Variants in TENM3 observed in about 807,000 individuals in gnomAD.
The protein encoded by TENM3 is teneurin-3.
Under a neutral mutation model 255.1 loss-of-function variants are expected in TENM3, and 63 were observed. The ratio of observed to expected loss-of-function variants is 0.25; its 90% CI spans 0.20 to 0.30. The LOEUF is 0.30. Ranked by LOEUF, TENM3 falls within the 10% of genes least tolerant of loss-of-function variation. TENM3 has a pLI of 1.00. For missense variants in TENM3, 2,929 were observed against 3,461.1 expected (o/e 0.85, Z 3.86); for synonymous variants, 1,306 against 1,322.3 (o/e 0.99, Z 0.27).
the TENM3 span, among the ~76,000 whole-genome samples, chr4:181,717,702 A>G: frequency 6.6e-6 from 1 of 152,200 alleles, no homozygotes; most frequent in African/African-American, 2.4e-5. Context: ...ATTGTGATAA[A>G]TCTCTTGTGA....
At chr4:182,643,826 A>T (rs1251553767) in intron 5 of TENM3, among the ~76,000 whole-genome samples, 1 of 152,224 alleles carries the variant, frequency 6.6e-6, no homozygotes, top group East Asian at 1.9e-4. Context: ...AAGAAAGGGA[A>T]ACTCTACATC....
At chr4:182,061,404 G>A in the TENM3 span, among the ~76,000 whole-genome samples, 1 of 152,002 alleles carries the variant, frequency 6.6e-6, no homozygotes, top group African/African-American at 2.4e-5. Context: ...TACTGAAAAG[G>A]CATCTAAGTT....
the TENM3 span, among the ~76,000 whole-genome samples, chr4:181,476,213 T>G: frequency 1.7e-4 from 14 of 83,968 alleles, no homozygotes; most frequent in East Asian, 3.9e-4. Flanking sequence ...GGGGTTTTTT[T>G]TTTTTTTTTT....
chr4:181,581,313 C>T, the TENM3 span, among the ~76,000 whole-genome samples: 4 of 151,980 alleles, frequency 2.6e-5, no homozygotes, highest in Non-Finnish European at 5.9e-5. Context: ...TGGTGGTGCA[C>T]GCCTGTAATC....
Position 182,578,605 on chromosome 4 carries a change from G to A in TENM3, c.512-22319G>A, listed in dbSNP as rs187394411. Among the ~76,000 whole-genome samples, 6 of 148,434 alleles carry A rather than the reference G, an allele frequency of 4.0e-5. 1 individual carries two copies. The East Asian group carries it at 1.2e-3, about 29-fold the overall frequency. ...TTCACAGCCTGATTGCTGTCACATG[G>A]CCCTTAAGAAAATAGTCATCACTTC... On this transcript the variant is annotated intron_variant, in intron 3 of 27. Transcript: ENST00000511685.
the TENM3 span, among the ~76,000 whole-genome samples, chr4:182,008,425 C>T: frequency 1.3e-5 from 2 of 151,924 alleles, no homozygotes; most frequent in African/African-American, 4.8e-5. Context: ...GGAGGCTTTG[C>T]TCATTCCTTG....
the TENM3 span, among the ~76,000 whole-genome samples, chr4:181,489,956 T>C: frequency 6.6e-6 from 1 of 152,334 alleles, no homozygotes; most frequent in Non-Finnish European, 1.5e-5. Flanking sequence ...GTGTATATTG[T>C]AGTATGCTTG....
the TENM3 span, among the ~76,000 whole-genome samples, chr4:181,683,932 C>T: frequency 6.6e-6 from 1 of 152,138 alleles, no homozygotes; most frequent in African/African-American, 2.4e-5. Context: ...GGAAGTCTTC[C>T]TTATGAAGTC....
At chr4:181,822,698 C>T in the TENM3 span, among the ~76,000 whole-genome samples, 516 of 152,286 alleles carry the variant, frequency 3.4e-3, 5 homozygotes, top group African/African-American at 0.012. Context: ...ATGTATGACA[C>T]TTGCAGAATG....
chr4:181,794,628 T>A, the TENM3 span, among the ~76,000 whole-genome samples: 1 of 151,194 alleles, frequency 6.6e-6, no homozygotes, highest in Non-Finnish European at 1.5e-5. Flanking sequence ...CCTTCTTTTT[T>A]AAGGCATTTC....
In TENM3 at chr4:182,754,675, A is replaced by G. The variant is rs746351885; in HGVS notation, c.4308A>G (p.Gly1436=). The change falls in exon 22 of 28, where the codon GGA becomes GGG. Residue 1436 remains glycine, a synonymous_variant. Coordinates refer to ENST00000511685, the MANE Select transcript of TENM3 (RefSeq NM_001080477.4). This position sits in a 1 kb window ranked among gnomAD's most constrained non-coding sequence, Gnocchi z 5.1. Reference sequence around the variant, plus strand: ...GGATAAGGCAGGTCACAACAGATGGAGAAATCTCCTTAGTGGCCGGAATAC... The same window carrying G: ...GGATAAGGCAGGTCACAACAGATGGGGAAATCTCCTTAGTGGCCGGAATAC... The part of the protein sequence containing the change: ...INRIRQVTTD[G]EISLVAGIPS... 6 of 1,614,050 alleles carry G rather than the reference A, an allele frequency of 3.7e-6. No homozygotes were observed. In the East Asian group the frequency reaches 6.7e-5, roughly 18 times the overall value.
chr4:182,283,054 G>A (rs1357855005), intron 1 of TENM3, among the ~76,000 whole-genome samples: 2 of 152,038 alleles, frequency 1.3e-5, no homozygotes, highest in African/African-American at 4.8e-5. Context: ...AATACTGCCT[G>A]GTATTTGGAA....
the TENM3 span, among the ~76,000 whole-genome samples, chr4:181,599,552 C>T: frequency 6.6e-6 from 1 of 152,298 alleles, no homozygotes; most frequent in East Asian, 1.9e-4. Context: ...ATTCCTGTTA[C>T]CTACACAACT....
Position 182,800,143 on chromosome 4 carries a change from G to A in TENM3, c.7892G>A (p.Arg2631Gln), listed in dbSNP as rs781718271. The A allele has an allele frequency of 1.5e-4, 216 of 1,447,304 alleles. No homozygotes were observed. Among genetic ancestry groups the A allele is most frequent in the Non-Finnish European group, 1.9e-4 (209 of 1,109,854 alleles). 89.7% of individuals were successfully genotyped at this position (1,447,304 alleles called of 1,614,324 possible). ...LEQARQRALARAWAREQQRVR... is the reference protein window; with the variant it reads ...LEQARQRALAQAWAREQQRVR... ...CAGGCGCGGCAGCGCGCGCTCGCCC[G>A]GGCCTGGGCGCGCGAGCAGCAGCGC... The change falls in exon 28 of 28, where the codon CGG becomes CAG. Residue 2631 changes from arginine to glutamine, a missense_variant. By Grantham distance (43) the Arg-to-Gln change is conservative. This residue lies in a region of TENM3 where 476 missense variants were observed against 480.1 expected (regional missense o/e 0.99). Transcript: ENST00000511685.
chr4:181,799,058 A>T, the TENM3 span, among the ~76,000 whole-genome samples: 1 of 152,216 alleles, frequency 6.6e-6, no homozygotes, highest in Middle Eastern at 3.2e-3. Context: ...AATAATGTAT[A>T]CATTGGAAGG....
the TENM3 span, among the ~76,000 whole-genome samples, chr4:181,789,025 G>A: frequency 0.05 from 7,536 of 152,156 alleles, 427 homozygotes; most frequent in African/African-American, 0.14. Flanking sequence ...AGGCCTGAAC[G>A]CTGTTGGGAT....
chr4:182,411,132 C>A (rs1256144483), intron 3 of TENM3, among the ~76,000 whole-genome samples: 1 of 152,204 alleles, frequency 6.6e-6, no homozygotes, highest in African/African-American at 2.4e-5. Flanking sequence ...CTCCAGTGGT[C>A]AAGAGCCATT....
At chr4:181,464,754 C>G in the TENM3 span, among the ~76,000 whole-genome samples, 1 of 152,010 alleles carries the variant, frequency 6.6e-6, no homozygotes, top group African/African-American at 2.4e-5. Context: ...AGTTTGAGAC[C>G]AGCCTGGCCA....
the TENM3 span, among the ~76,000 whole-genome samples, chr4:181,638,845 A>C: frequency 4.8e-3 from 731 of 152,320 alleles, 2 homozygotes; most frequent in African/African-American, 0.017. Flanking sequence ...TCATATATGA[A>C]AAAGGGCAAT....
Sources: allele counts gnomAD v4.1 joint callset (sites outside exome capture counted in the v4.1 genomes callset), GRCh38; gene constraint gnomAD v4.1.1; regional missense constraint gnomAD v4.1.1; non-coding constraint Gnocchi (gnomAD v3.1); transcripts MANE v1.5; gene names NCBI Gene and HGNC (gene_info 2026-07-23, HGNC 2026-07-21).